Variants in DRC11 observed in about 807,000 individuals in gnomAD.
The protein encoded by DRC11 is IQ and AAA domain-containing protein 1.
the DRC11 span, among the ~76,000 whole-genome samples, chr2:236,371,642 C>T: frequency 1.3e-5 from 2 of 152,176 alleles, no homozygotes; most frequent in African/African-American, 2.4e-5. The surrounding 1 kb of genome is among the most constrained non-coding windows in gnomAD (Gnocchi z 5.1). Flanking sequence ...ATAGAGAATG[C>T]TCACTACCAA....
the DRC11 span, among the ~76,000 whole-genome samples, chr2:236,353,570 G>A: frequency 6.6e-6 from 1 of 152,062 alleles, no homozygotes; most frequent in East Asian, 1.9e-4. This position sits in a 1 kb window ranked among gnomAD's most constrained non-coding sequence, Gnocchi z 5.0. Context: ...ATCCTATTTT[G>A]CTTGCCAAGG....
At chr2:236,367,202 A>T in the DRC11 span, among the ~76,000 whole-genome samples, 11 of 149,582 alleles carry the variant, frequency 7.4e-5, no homozygotes, top group Admixed American at 1.3e-4. The surrounding 1 kb of genome is among the most constrained non-coding windows in gnomAD (Gnocchi z 4.8). Context: ...ATTGACACTT[A>T]TACATTTATT....
chr2:236,386,267 A>T, the DRC11 span, among the ~76,000 whole-genome samples: 6 of 151,398 alleles, frequency 4.0e-5, no homozygotes, highest in Non-Finnish European at 8.9e-5. Flanking sequence ...CTCTGGTAGA[A>T]TTCGGCTGTG....
At chr2:236,411,249 A>G in the DRC11 span, among the ~76,000 whole-genome samples, 1 of 152,344 alleles carries the variant, frequency 6.6e-6, no homozygotes, top group East Asian at 1.9e-4. Flanking sequence ...ATGAACAGAC[A>G]CTTCTCAAAA....
chr2:236,312,115 T>C, the DRC11 span, among the ~76,000 whole-genome samples: 4 of 152,188 alleles, frequency 2.6e-5, no homozygotes, highest in Non-Finnish European at 5.9e-5. Context: ...TATCCTAAGA[T>C]TCCAGATGTG....
At chr2:236,357,568 G>A in the DRC11 span, among the ~76,000 whole-genome samples, 1 of 115,852 alleles carries the variant, frequency 8.6e-6, no homozygotes, top group Non-Finnish European at 1.7e-5. Context: ...TTACATATAT[G>A]CATAGTTATA....
the DRC11 span, among the ~76,000 whole-genome samples, chr2:236,461,179 T>C: frequency 6.6e-6 from 1 of 152,228 alleles, no homozygotes; most frequent in Non-Finnish European, 1.5e-5. The surrounding 1 kb of genome is among the most constrained non-coding windows in gnomAD (Gnocchi z 4.0). Context: ...AATAATAAAT[T>C]AGATTTTACC....
chr2:236,425,117 T>C, the DRC11 span, among the ~76,000 whole-genome samples: 1 of 152,086 alleles, frequency 6.6e-6, no homozygotes, highest in African/African-American at 2.4e-5. Flanking sequence ...AATGCTGCAA[T>C]GAACATGGTA....
chr2:236,457,576 G>A, the DRC11 span, among the ~76,000 whole-genome samples: 1 of 152,152 alleles, frequency 6.6e-6, no homozygotes, highest in East Asian at 1.9e-4. The surrounding 1 kb of genome is among the most constrained non-coding windows in gnomAD (Gnocchi z 4.7). Context: ...TATCATATAT[G>A]GAAAAAGGGG....
At chr2:236,338,678 C>T in the DRC11 span, among the ~76,000 whole-genome samples, 13 of 152,102 alleles carry the variant, frequency 8.5e-5, no homozygotes, top group Admixed American at 2.0e-4. Context: ...GATTTACAAA[C>T]GGAAGGAAGC....
chr2:236,435,154 G>T, the DRC11 span, among the ~76,000 whole-genome samples: 2 of 152,238 alleles, frequency 1.3e-5, no homozygotes, highest in African/African-American at 2.4e-5. Flanking sequence ...TGACAGCAGG[G>T]TCAGTCATGC....
the DRC11 span, among the ~76,000 whole-genome samples, chr2:236,489,931 G>A: frequency 2.6e-5 from 4 of 152,050 alleles, no homozygotes; most frequent in African/African-American, 9.7e-5. Context: ...TCTCTAAAAA[G>A]AATTTAAAAA....
At chr2:236,389,085 T>C in the DRC11 span, among the ~76,000 whole-genome samples, 1 of 152,194 alleles carries the variant, frequency 6.6e-6, no homozygotes, top group Non-Finnish European at 1.5e-5. Context: ...CAGGGACATT[T>C]AAGTCTGCAG....
the DRC11 span, among the ~76,000 whole-genome samples, chr2:236,460,979 C>T: frequency 6.6e-6 from 1 of 152,180 alleles, no homozygotes; most frequent in Non-Finnish European, 1.5e-5. This position sits in a 1 kb window ranked among gnomAD's most constrained non-coding sequence, Gnocchi z 4.0. Flanking sequence ...TGGTCTCGAA[C>T]TCCTGACCTC....
the DRC11 span, among the ~76,000 whole-genome samples, chr2:236,432,009 T>C: frequency 6.6e-6 from 1 of 152,230 alleles, no homozygotes; most frequent in Non-Finnish European, 1.5e-5. Flanking sequence ...GAAATTGGCA[T>C]GATGTTTTCC....
the DRC11 span, among the ~76,000 whole-genome samples, chr2:236,403,147 G>A: frequency 1.3e-5 from 2 of 151,936 alleles, no homozygotes; most frequent in African/African-American, 4.8e-5. Context: ...GAGGGGGAGG[G>A]CTCCAGGGAA....
At chr2:236,435,814 T>C in the DRC11 span, among the ~76,000 whole-genome samples, 1 of 152,210 alleles carries the variant, frequency 6.6e-6, no homozygotes, top group Non-Finnish European at 1.5e-5. Flanking sequence ...GCAGAGAATG[T>C]ATGTGCCACA....
chr2:236,340,177 C>T, the DRC11 span, among the ~76,000 whole-genome samples: 2 of 152,208 alleles, frequency 1.3e-5, no homozygotes, highest in Non-Finnish European at 2.9e-5. Context: ...GTCATCCAGG[C>T]TGCAGTGCAG....
chr2:236,476,068 G>A, the DRC11 span, among the ~76,000 whole-genome samples: 1 of 151,980 alleles, frequency 6.6e-6, no homozygotes, highest in Admixed American at 6.6e-5. This position sits in a 1 kb window ranked among gnomAD's most constrained non-coding sequence, Gnocchi z 4.7. Flanking sequence ...TGTCTCTTGT[G>A]GTTCTATAGG....
Sources: allele counts gnomAD v4.1 joint callset (sites outside exome capture counted in the v4.1 genomes callset), GRCh38; gene constraint gnomAD v4.1.1; non-coding constraint Gnocchi (gnomAD v3.1); transcripts MANE v1.5; gene names NCBI Gene and HGNC (gene_info 2026-07-23, HGNC 2026-07-21).